Variants in SYTL2 observed in about 807,000 individuals in gnomAD.
SYTL2 encodes synaptotagmin like 2, also known as synaptotagmin-like protein 2.
A neutral mutation model predicts 198.7 loss-of-function variants in SYTL2; 165 were observed. That is an observed-to-expected ratio of 0.83 (90% confidence interval 0.73 to 0.94). The LOEUF (loss-of-function observed/expected upper bound fraction) is 0.94, where lower values mean the gene tolerates loss of function less well. Ranked by LOEUF, SYTL2 falls within the 40% of genes least tolerant of loss-of-function variation. SYTL2 has a pLI of 0.00. For missense variants in SYTL2, 2,835 were observed against 2,582.8 expected, an observed-to-expected ratio of 1.10 and a Z score of -2.12; for synonymous variants, 966 against 917.7, an observed-to-expected ratio of 1.05 and a Z score of -0.95.
rs769833026 is a variant in SYTL2 at position 85,736,532 on chromosome 11, T to C, written c.555A>G (p.Gly185=). 1.1e-5 allele frequency: 17 copies of C among 1,600,348 alleles called. No individual in the cohort carries two copies. In the East Asian group the frequency reaches 3.4e-4, roughly 32 times the overall value. Residue 185 remains glycine (G), a synonymous_variant, in exon 6 of 20, where the codon GGA becomes GGG. Coordinates refer to ENST00000359152, the MANE Select transcript of SYTL2 (RefSeq NM_206927.4). ...TTGAAGTCTGAAATAAACCAGTTCTTCCATTTTTTGACTGTTCATTTTTAG... is the reference window on the plus strand; with the variant it reads ...TTGAAGTCTGAAATAAACCAGTTCTCCCATTTTTTGACTGTTCATTTTTAG... ...QQTKNEQSKN[G]RTGLFQTSKE...
At chr11:85,764,040 T>C (rs1258011142) in intron 1 of SYTL2, among the ~76,000 whole-genome samples, 1 of 152,250 alleles carries the variant, frequency 6.6e-6, no homozygotes, top group Admixed American at 6.5e-5. Flanking sequence ...AGCTGCTAAC[T>C]GCACAGCTGG....
the SYTL2 span, among the ~76,000 whole-genome samples, chr11:85,833,058 A>G: frequency 5.7e-4 from 24 of 42,016 alleles, no homozygotes; most frequent in African/African-American, 8.1e-4. Context: ...AAAGAAAGAA[A>G]GAAAGAAAGA....
intron 1 of SYTL2, among the ~76,000 whole-genome samples, chr11:85,758,986 T>C (rs2092000928): frequency 6.6e-6 from 1 of 152,210 alleles, no homozygotes; most frequent in Non-Finnish European, 1.5e-5. Context: ...GGTTCATGCC[T>C]GTAATCCTAG....
chr11:85,760,711 G>A (rs2092073038), intron 1 of SYTL2, among the ~76,000 whole-genome samples: 1 of 152,060 alleles, frequency 6.6e-6, no homozygotes. Context: ...GTAACTGGCA[G>A]GGTTGCTGAA....
chr11:85,742,626 C>T (rs1332120664), intron 4 of SYTL2, among the ~76,000 whole-genome samples: 4 of 152,188 alleles, frequency 2.6e-5, no homozygotes, highest in South Asian at 4.1e-4. Context: ...ACATGATCGA[C>T]GGGCTTATCT....
chr11:85,791,439 T>A (rs1422161280), intron 1 of SYTL2, among the ~76,000 whole-genome samples: 1 of 152,164 alleles, frequency 6.6e-6, no homozygotes, highest in African/African-American at 2.4e-5. Flanking sequence ...ATTCAATACC[T>A]AGCTATGTGA....
At chr11:85,828,733 C>T in the SYTL2 span, among the ~76,000 whole-genome samples, 1 of 152,168 alleles carries the variant, frequency 6.6e-6, no homozygotes. Context: ...AGAGTCAATG[C>T]CATTTAATAA....
At chr11:85,706,732 G>T (rs763217455) in intron 15 of SYTL2, among the ~76,000 whole-genome samples, 1 of 152,110 alleles carries the variant, frequency 6.6e-6, no homozygotes, top group Non-Finnish European at 1.5e-5. Flanking sequence ...TGACCCTAAG[G>T]GTTATAGAAA....
chr11:85,845,380 G>A, the SYTL2 span, among the ~76,000 whole-genome samples: 7 of 152,266 alleles, frequency 4.6e-5, no homozygotes, highest in Non-Finnish European at 1.0e-4. Context: ...GATAATAAAT[G>A]ATTATTATTG....
chr11:85,811,487 G>C (rs940335848), upstream of SYTL2, among the ~76,000 whole-genome samples: 2 of 152,188 alleles, frequency 1.3e-5, no homozygotes, highest in Non-Finnish European at 2.9e-5. Context: ...GAGCCCGAGA[G>C]TGTGGAGCAC....
At chr11:85,779,139 C>T (rs968321872) in intron 1 of SYTL2, among the ~76,000 whole-genome samples, 2 of 151,908 alleles carry the variant, frequency 1.3e-5, no homozygotes, top group Non-Finnish European at 2.9e-5. Context: ...ATCGTGAAAA[C>T]CTCTTGACCT....
intron 1 of SYTL2, among the ~76,000 whole-genome samples, chr11:85,760,204 C>T (rs1228963812): frequency 2.0e-5 from 3 of 152,166 alleles, no homozygotes; most frequent in East Asian, 1.9e-4. Context: ...AAAGGACAGA[C>T]CTGAACCTGA....
At chr11:85,804,221 T>G (rs1047041900) in intron 1 of SYTL2, among the ~76,000 whole-genome samples, 2 of 152,358 alleles carry the variant, frequency 1.3e-5, no homozygotes, top group Middle Eastern at 6.8e-3. Context: ...TCTAAATTTT[T>G]GCAACAAGCC....
At chr11:85,769,654 G>T (rs964157572) in intron 1 of SYTL2, among the ~76,000 whole-genome samples, 1 of 152,192 alleles carries the variant, frequency 6.6e-6, no homozygotes, top group Admixed American at 6.5e-5. Context: ...GTCCATCTGT[G>T]AGTTGTGCCA....
chr11:85,731,635 A>G (rs1308243689), intron 7 of SYTL2, among the ~76,000 whole-genome samples: 4 of 152,262 alleles, frequency 2.6e-5, no homozygotes, highest in Non-Finnish European at 4.4e-5. Context: ...AAACCCTAGA[A>G]GAAAACCTAG....
chr11:85,791,156 G>C (rs1305850380), intron 1 of SYTL2, among the ~76,000 whole-genome samples: 1 of 92,950 alleles, frequency 1.1e-5, no homozygotes, highest in Admixed American at 1.9e-4. Flanking sequence ...AGCAGAGCTA[G>C]AGTCTGCCTC....
In SYTL2 at chr11:85,724,136, G is replaced by A; in HGVS notation, c.5222C>T (p.Pro1741Leu). 1 of 1,599,078 alleles carries A rather than the reference G, an allele frequency of 6.3e-7. No individual in the cohort carries two copies. The highest frequency in any genetic ancestry group is 8.5e-7 in the Non-Finnish European group (1 of 1,176,204). The change falls in exon 8 of 20, where the codon CCA becomes CTA. Residue 1741 changes from proline (P) to leucine (L), a missense_variant. Physicochemically the swap from Pro to Leu is moderately conservative, Grantham distance 98. This residue lies in a region of SYTL2 where 2,645 missense variants were observed against 2,381.7 expected (regional missense o/e 1.11). Transcript: ENST00000359152. ...TTCCTCTTTCTCTTGTTTCATATAT[G>A]GCGATGCTAGAGTCAATTCAACTTT... Reference protein sequence around the residue: ...TSKVELTLASPYMKQEKEEEK... With the variant: ...TSKVELTLASLYMKQEKEEEK...
At chr11:85,740,714 C>T (rs1565963105) in intron 4 of SYTL2, among the ~76,000 whole-genome samples, 2 of 152,044 alleles carry the variant, frequency 1.3e-5, no homozygotes, top group African/African-American at 4.8e-5. Flanking sequence ...AGGCACTCTT[C>T]AAAAAAGGAA....
Position 85,737,669 on chromosome 11 carries a change from C to T in SYTL2, c.390-13G>A. On this transcript the variant is annotated splice_polypyrimidine_tract_variant and intron_variant, in intron 4 of 19. Coordinates refer to ENST00000359152, the MANE Select transcript of SYTL2 (RefSeq NM_206927.4). ...TACCACACTGGAACTGCAAAAGAAA[C>T]AATAATTCAGAGAATAAAACCTCAC... 2 of 1,607,530 alleles carry T rather than the reference C, an allele frequency of 1.2e-6. No homozygotes were observed. Among genetic ancestry groups the T allele is most frequent in the East Asian group, 2.2e-5 (1 of 44,838 alleles).
Sources: gnomAD v4.1 joint callset for allele counts (sites outside exome capture counted in the v4.1 genomes callset) on GRCh38, gnomAD v4.1.1 for gene constraint, gnomAD v4.1.1 regional missense constraint, MANE v1.5 for transcripts, NCBI Gene and HGNC (gene_info 2026-07-23, HGNC 2026-07-21) for gene names.